The following HMBOX1 variants were observed in gnomAD, a reference collection of about 807,000 sequenced individuals.
HMBOX1 encodes the protein homeobox containing 1.
In HMBOX1, 14 loss-of-function variants were observed where a neutral mutation model predicts 54.5. That is an observed-to-expected ratio of 0.26 (90% CI 0.17 to 0.40). HMBOX1 has a LOEUF of 0.40. HMBOX1 is among the 10% of genes least tolerant of loss of function. HMBOX1 has a pLI of 1.00. For missense variants in HMBOX1, 332 were observed against 514.4 expected (o/e 0.65, Z 3.43); for synonymous variants, 160 against 181.0 (o/e 0.88, Z 0.93).
At chr8:29,005,620 GAC>G (rs1296901463) in intron 4 of HMBOX1, among the ~76,000 whole-genome samples, 1 of 151,874 alleles carries the variant, frequency 6.6e-6, no homozygotes. Context: ...CAGCTTAATG[GAC>G]ACTTAAAAGT....
At chr8:28,918,477 ACAGGCGTGAGCCAC>A in intron 1 of HMBOX1, among the ~76,000 whole-genome samples, 1 of 152,296 alleles carries the variant, frequency 6.6e-6, no homozygotes, top group Middle Eastern at 3.4e-3. Context: ...TGTTGGGATT[ACAGGCGTGAGCCAC>A]CACGCCTGGC....
At position 28,980,075 on chromosome 8, in the gene HMBOX1, G is replaced by A; in HGVS notation, c.505G>A (p.Asp169Asn). 1 of 1,611,848 alleles carries A rather than the reference G, an allele frequency of 6.2e-7. No individual in the cohort carries two copies. The highest frequency in any genetic ancestry group is 8.5e-7 in the Non-Finnish European group (1 of 1,177,992). ...DDKVEELMRR[D>N]SSVIKEEIKA... ...CTTGTCTTCTGTTTTTGTTAGGAGGGACAGCAGTGTGATAAAAGAGGAAAT... is the reference window on the plus strand; with the variant it reads ...CTTGTCTTCTGTTTTTGTTAGGAGGAACAGCAGTGTGATAAAAGAGGAAAT... Residue 169 changes from aspartate to asparagine, a missense_variant, in exon 4 of 10, where the codon GAC becomes AAC. Physicochemically the swap from Asp to Asn is conservative, Grantham distance 23. Coordinates refer to ENST00000287701, the MANE Select transcript of HMBOX1 (RefSeq NM_001135726.3).
At chr8:28,951,851 A>G (rs1350667445) in intron 1 of HMBOX1, among the ~76,000 whole-genome samples, 2 of 152,210 alleles carry the variant, frequency 1.3e-5, no homozygotes, top group Non-Finnish European at 2.9e-5. Flanking sequence ...TGACATGCAC[A>G]TCTGAAGAAG....
In HMBOX1 at chr8:29,009,057, T is replaced by G. The variant is rs1833862812; in HGVS notation, c.587-15T>G. The G allele has an allele frequency of 6.3e-7, 1 of 1,598,082 alleles. No individual in the cohort carries two copies. The highest frequency in any genetic ancestry group is 8.6e-7 in the Non-Finnish European group (1 of 1,167,336). On this transcript the variant is annotated splice_polypyrimidine_tract_variant and intron_variant, in intron 4 of 9. Coordinates refer to ENST00000287701, the MANE Select transcript of HMBOX1 (RefSeq NM_001135726.3). ...ATTTCAGTGCCCCCCAAAACCTATT[T>G]CTCTTTCTACATAGGTATCAGTCAG...
At chr8:28,923,105 A>G (rs1479166692) in intron 1 of HMBOX1, among the ~76,000 whole-genome samples, 1 of 152,248 alleles carries the variant, frequency 6.6e-6, no homozygotes, top group Non-Finnish European at 1.5e-5. Context: ...AACTGTCACC[A>G]CTGTCTGGTT....
intron 6 of HMBOX1, among the ~76,000 whole-genome samples, chr8:29,025,217 CA>C (rs763137878): frequency 3.9e-5 from 6 of 152,094 alleles, no homozygotes; most frequent in Non-Finnish European, 8.8e-5. Flanking sequence ...CATTGAATGA[CA>C]AAGCAGGAAA....
intron 6 of HMBOX1, among the ~76,000 whole-genome samples, chr8:29,034,885 A>G (rs76217739): frequency 0.056 from 8,595 of 152,152 alleles, 313 homozygotes; most frequent in Non-Finnish European, 0.082. Context: ...AAATAAAGGC[A>G]ATTGAGGACT....
chr8:28,949,818 T>C (rs769045762), intron 1 of HMBOX1: 8 of 152,170 alleles, frequency 5.3e-5, no homozygotes, highest in African/African-American at 9.7e-5. Context: ...TGTGGTGCTG[T>C]ACTAGCAGAG....
chr8:28,955,696 A>G (rs1824290627), intron 1 of HMBOX1, among the ~76,000 whole-genome samples: 1 of 152,170 alleles, frequency 6.6e-6, no homozygotes, highest in Non-Finnish European at 1.5e-5. Context: ...TCACGCCTGT[A>G]ATCCCAGCAC....
intron 1 of HMBOX1, among the ~76,000 whole-genome samples, chr8:28,936,000 GA>G (rs1482467667): frequency 1.3e-5 from 2 of 151,928 alleles, no homozygotes; most frequent in Non-Finnish European, 2.9e-5. Context: ...TAAAAAAATA[GA>G]AAAGAATATA....
intron 4 of HMBOX1, among the ~76,000 whole-genome samples, chr8:29,001,505 A>G (rs1289859949): frequency 1.3e-5 from 2 of 152,182 alleles, no homozygotes; most frequent in African/African-American, 4.8e-5. Flanking sequence ...AGCCAAGATC[A>G]TGCCGCGGCG....
intron 1 of HMBOX1, among the ~76,000 whole-genome samples, chr8:28,958,753 T>C (rs958472750): frequency 2.0e-5 from 3 of 152,236 alleles, no homozygotes; most frequent in African/African-American, 7.2e-5. Context: ...TAGAATAATA[T>C]TTGCCCTTCT....
chr8:29,046,938 C>T (rs1805654716), intron 7 of HMBOX1, among the ~76,000 whole-genome samples: 1 of 152,202 alleles, frequency 6.6e-6, no homozygotes, highest in African/African-American at 2.4e-5. Flanking sequence ...GCTATAATTG[C>T]ACCACCGCAT....
chr8:29,027,277 A>T (rs1471580853), intron 6 of HMBOX1, among the ~76,000 whole-genome samples: 1 of 152,196 alleles, frequency 6.6e-6, no homozygotes, highest in Non-Finnish European at 1.5e-5. Context: ...CATTCATTCA[A>T]TGAAGTACTT....
chr8:29,021,256 A>C (rs1563596424), intron 6 of HMBOX1, among the ~76,000 whole-genome samples: 2 of 152,196 alleles, frequency 1.3e-5, no homozygotes, highest in African/African-American at 4.8e-5. Context: ...GAGTCAAAGA[A>C]GTGAATCCAT....
intron 4 of HMBOX1, among the ~76,000 whole-genome samples, chr8:29,008,543 G>A (rs756381568): frequency 2.0e-5 from 3 of 151,914 alleles, no homozygotes; most frequent in Non-Finnish European, 4.4e-5. Flanking sequence ...ATGGCTAAAT[G>A]AATTAACAAA....
At chr8:28,916,630 G>A (rs957487898) in intron 1 of HMBOX1, among the ~76,000 whole-genome samples, 3 of 152,146 alleles carry the variant, frequency 2.0e-5, no homozygotes, top group Admixed American at 6.6e-5. Flanking sequence ...ATTTGTGTGA[G>A]TCTGTTTCTG....
At chr8:28,901,317 A>C (rs576851799) in intron 1 of HMBOX1, among the ~76,000 whole-genome samples, 1 of 152,030 alleles carries the variant, frequency 6.6e-6, no homozygotes, top group Admixed American at 6.6e-5. Flanking sequence ...ATTTCCCCTT[A>C]AAATTTTTTC....
chr8:28,996,785 A>G (rs765076153), intron 4 of HMBOX1, among the ~76,000 whole-genome samples: 4 of 152,152 alleles, frequency 2.6e-5, no homozygotes, highest in Non-Finnish European at 4.4e-5. Context: ...TTTATATATG[A>G]TGTGAGGAAG....
Sources: gnomAD v4.1 joint callset for allele counts (sites outside exome capture counted in the v4.1 genomes callset) on GRCh38, gnomAD v4.1.1 for gene constraint, MANE v1.5 for transcripts, NCBI Gene and HGNC (gene_info 2026-07-23, HGNC 2026-07-21) for gene names.